Variants in KCNIP1 observed in about 807,000 individuals in gnomAD.
The protein encoded by KCNIP1 is potassium voltage-gated channel interacting protein 1.
KCNIP1 carries 18 observed loss-of-function variants against 33.0 expected under a neutral mutation model. The ratio of observed to expected loss-of-function variants is 0.55; its 90% CI spans 0.38 to 0.81. KCNIP1 has a LOEUF of 0.81. Among genes scored for constraint, KCNIP1 ranks in the 30% least tolerant of loss-of-function variants. KCNIP1 has a pLI of 0.00. For missense variants in KCNIP1, 238 were observed against 271.6 expected (o/e 0.88, Z 0.87); for synonymous variants, 93 against 98.3 (o/e 0.95, Z 0.32).
intron 1 of KCNIP1, among the ~76,000 whole-genome samples, chr5:170,629,973 AAGTGCTGAAC>A (rs1367358011): frequency 5.9e-5 from 9 of 152,214 alleles, no homozygotes; most frequent in Admixed American, 3.3e-4. Context: ...CAAGGCAGGC[AAGTGCTGAAC>A]AGTTGGCAAC....
chr5:170,601,865 A>AC (rs1758708296), intron 1 of KCNIP1, among the ~76,000 whole-genome samples: 1 of 152,122 alleles, frequency 6.6e-6, no homozygotes, highest in Admixed American at 6.5e-5. Flanking sequence ...AAGAGGCAGG[A>AC]CCTGTCTGGA....
upstream of KCNIP1, among the ~76,000 whole-genome samples, chr5:170,501,320 C>A (rs562191395): frequency 4.6e-5 from 7 of 152,148 alleles, no homozygotes; most frequent in African/African-American, 1.7e-4. Flanking sequence ...CGTGCAAAGG[C>A]CCTGAAGGAG....
At chr5:170,483,333 C>T in intron 1 of KCNIP1, 1 of 223,662 alleles carries the variant, frequency 4.5e-6, no homozygotes, top group Non-Finnish European at 8.9e-6. Context: ...CTCTAGTGAC[C>T]ATCACTGGGA....
chr5:170,432,415 G>A (rs1438015660), intron 1 of KCNIP1, among the ~76,000 whole-genome samples: 2 of 152,152 alleles, frequency 1.3e-5, no homozygotes. Context: ...TATTTATTGA[G>A]CAAATCATCT....
At chr5:170,413,772 C>A (rs1272042812) in intron 1 of KCNIP1, among the ~76,000 whole-genome samples, 2 of 152,080 alleles carry the variant, frequency 1.3e-5, no homozygotes, top group African/African-American at 2.4e-5. Flanking sequence ...ACCAGCCCAG[C>A]CTCCCCTTGT....
At chr5:170,502,330 G>C (rs1757430457), upstream of KCNIP1, among the ~76,000 whole-genome samples, 1 of 152,210 alleles carries the variant, frequency 6.6e-6, no homozygotes, top group Non-Finnish European at 1.5e-5. Context: ...ATGCTGCACA[G>C]GTGAAGAAAA....
chr5:170,465,193 C>A (rs1419849313), intron 1 of KCNIP1, among the ~76,000 whole-genome samples: 1 of 152,168 alleles, frequency 6.6e-6, no homozygotes, highest in Non-Finnish European at 1.5e-5. Flanking sequence ...AAATTTCATA[C>A]AGATGATAAA....
intron 1 of KCNIP1, among the ~76,000 whole-genome samples, chr5:170,525,047 G>A (rs563627926): frequency 3.9e-5 from 6 of 152,334 alleles, no homozygotes; most frequent in Non-Finnish European, 7.3e-5. Flanking sequence ...GCACAAGGCC[G>A]GGGAAACTTT....
chr5:170,390,517 A>AAAAAAAAAAAAAATAT, intron 1 of KCNIP1, among the ~76,000 whole-genome samples: 7 of 74,548 alleles, frequency 9.4e-5, no homozygotes, highest in African/African-American at 3.2e-4. Flanking sequence ...AAAAAAAACA[A>AAAAAAAAAAAAAATAT]ATATATATAT....
chr5:170,727,108 A>G (rs1224417899), intron 5 of KCNIP1, among the ~76,000 whole-genome samples: 1 of 152,254 alleles, frequency 6.6e-6, no homozygotes, highest in African/African-American at 2.4e-5. Flanking sequence ...ATCCAATGGA[A>G]TATTACTCAG....
At chr5:170,732,155 T>C (rs978586090) in intron 5 of KCNIP1, among the ~76,000 whole-genome samples, 2 of 152,126 alleles carry the variant, frequency 1.3e-5, no homozygotes, top group African/African-American at 4.8e-5. Flanking sequence ...GTCCCCTGGG[T>C]CTCTGTAGAA....
chr5:170,561,041 G>A (rs1364338181), intron 1 of KCNIP1: 5 of 452,360 alleles, frequency 1.1e-5, no homozygotes, highest in Non-Finnish European at 2.2e-5. Context: ...CAACGGGCAG[G>A]AGCCCAGCCT....
intron 1 of KCNIP1, among the ~76,000 whole-genome samples, chr5:170,565,652 A>C (rs1422376075): frequency 6.6e-6 from 1 of 152,240 alleles, no homozygotes; most frequent in East Asian, 1.9e-4. Context: ...AATTTTATAT[A>C]AGAAGCAATA....
At chr5:170,366,246 T>A (rs1763656537) in intron 1 of KCNIP1, among the ~76,000 whole-genome samples, 1 of 152,100 alleles carries the variant, frequency 6.6e-6, no homozygotes. Context: ...CTCCTACGGA[T>A]GAAAAAATAA....
intron 1 of KCNIP1, among the ~76,000 whole-genome samples, chr5:170,427,331 T>C (rs1344438438): frequency 6.6e-6 from 1 of 152,218 alleles, no homozygotes; most frequent in Admixed American, 6.5e-5. Flanking sequence ...TGTAAGACTC[T>C]GGGCCAGGTT....
At position 170,520,972 on chromosome 5, in the gene KCNIP1, G is replaced by A. The variant is rs115457416; in HGVS notation, c.61+16339G>A. The stretch of plus-strand genomic sequence containing the variant: ...AAACAGAGCTAATGCCTCCCTTCTT[G>A]GGTTGCTGTGGGGCTTAATTGAGAA... On this transcript the variant is annotated intron_variant, in intron 1 of 7. Transcript: ENST00000328939. Among the ~76,000 whole-genome samples, 1,150 of 152,274 alleles carry A rather than the reference G, an allele frequency of 7.6e-3. 11 individuals carry two copies. Among genetic ancestry groups the A allele is most frequent in the African/African-American group, 0.025 (1,054 of 41,546 alleles).
intron 1 of KCNIP1, among the ~76,000 whole-genome samples, chr5:170,536,301 A>G (rs1755982395): frequency 6.6e-6 from 1 of 152,116 alleles, no homozygotes; most frequent in Admixed American, 6.5e-5. Flanking sequence ...ACCAGTTACT[A>G]CTGCCTGTGC....
intron 1 of KCNIP1, among the ~76,000 whole-genome samples, chr5:170,711,622 C>A (rs1479650156): frequency 6.6e-6 from 1 of 152,146 alleles, no homozygotes; most frequent in African/African-American, 2.4e-5. Context: ...CACACCAGTG[C>A]AAGATGTGAA....
Position 170,598,898 on chromosome 5 carries a change from T to TGC in KCNIP1, c.61+94266_61+94267insCG, listed in dbSNP as rs747065992. Among the ~76,000 whole-genome samples, 341 of 114,218 alleles carry TGC rather than the reference T, an allele frequency of 3.0e-3. 2 individuals carry two copies. The highest frequency in any genetic ancestry group is 0.013 in the Middle Eastern group (3 of 224). 74.9% of individuals were successfully genotyped at this position (114,218 alleles called of 152,430 possible). A position where few individuals can be genotyped will look rare whatever the true frequency, so the allele number is the denominator to read the frequency against. On this transcript the variant is annotated intron_variant, in intron 1 of 7. Transcript: ENST00000328939. The stretch of plus-strand genomic sequence containing the variant: ...CGTTCCCATAGCCCCGCTGTGTGTG[T>TGC]GTGCGCGTGTGTGTGTGTGTGTGTG...
Sources: gnomAD v4.1 joint callset for allele counts (sites outside exome capture counted in the v4.1 genomes callset) on GRCh38, gnomAD v4.1.1 for gene constraint, MANE v1.5 for transcripts, NCBI Gene and HGNC (gene_info 2026-07-23, HGNC 2026-07-21) for gene names.